The following EGFLAM variants were observed in gnomAD, a reference collection of about 807,000 sequenced individuals.
The protein encoded by EGFLAM is pikachurin.
In EGFLAM, 79 loss-of-function variants were observed where a neutral mutation model predicts 113.1. The ratio of observed to expected loss-of-function variants is 0.70; its 90% CI spans 0.58 to 0.84. The LOEUF (loss-of-function observed/expected upper bound fraction) is 0.84, where lower values mean the gene tolerates loss of function less well. EGFLAM is among the 40% of genes least tolerant of loss of function. EGFLAM has a pLI of 0.00. For synonymous variants in EGFLAM, 504 were observed against 487.6 expected, an observed-to-expected ratio of 1.03 and a Z score of -0.44; for missense variants, 1,265 against 1,291.6, an observed-to-expected ratio of 0.98 and a Z score of 0.32.
At chr5:38,331,182 A>G (rs181671281) in intron 1 of EGFLAM, among the ~76,000 whole-genome samples, 1 of 152,320 alleles carries the variant, frequency 6.6e-6, no homozygotes, top group Admixed American at 6.5e-5. Flanking sequence ...ATGCATGCAT[A>G]GACTCCCCCG....
intron 5 of EGFLAM, among the ~76,000 whole-genome samples, chr5:38,357,211 A>T (rs1359273528): frequency 2.6e-5 from 4 of 152,280 alleles, no homozygotes; most frequent in African/African-American, 9.6e-5. Context: ...AGCCATGATC[A>T]TGTCACTACA....
rs199827426 is a variant in EGFLAM at position 38,458,407 on chromosome 5, C to T, written c.2771+13C>T. The T allele has an allele frequency of 4.7e-5, 76 of 1,613,022 alleles. No individual in the cohort carries two copies. Among genetic ancestry groups the T allele is most frequent in the East Asian group, 2.2e-4 (10 of 44,852 alleles). On this transcript the variant is annotated intron_variant, in intron 20 of 21. Coordinates refer to ENST00000322350, the MANE Select transcript of EGFLAM (RefSeq NM_152403.4). ...TTAAGGCCGTTAGGTGAGTCCCTCC[C>T]GCAGCATGAGGCAGAGCCAGAGCTG...
intron 18 of EGFLAM, among the ~76,000 whole-genome samples, chr5:38,450,151 A>G (rs1178502391): frequency 1.3e-5 from 2 of 152,192 alleles, no homozygotes; most frequent in Non-Finnish European, 2.9e-5. Flanking sequence ...CCCTAAACCA[A>G]TCACTGGCAA....
At chr5:38,318,054 A>G (rs912647917) in intron 1 of EGFLAM, among the ~76,000 whole-genome samples, 2 of 152,082 alleles carry the variant, frequency 1.3e-5, no homozygotes, top group African/African-American at 2.4e-5. Flanking sequence ...GGAAGATACC[A>G]GGTTTCTGTT....
chr5:38,284,992 C>A (rs1244170988), intron 1 of EGFLAM, among the ~76,000 whole-genome samples: 18 of 152,168 alleles, frequency 1.2e-4, no homozygotes, highest in Admixed American at 1.2e-3. Context: ...AAACAAGACT[C>A]AATTGTTATC....
At chr5:38,410,034 C>G (rs1022323089) in intron 10 of EGFLAM, among the ~76,000 whole-genome samples, 2 of 152,170 alleles carry the variant, frequency 1.3e-5, no homozygotes, top group African/African-American at 4.8e-5. Flanking sequence ...GCATGTGGCG[C>G]AACCTCTCCA....
intron 5 of EGFLAM, among the ~76,000 whole-genome samples, chr5:38,354,523 G>A (rs1301901979): frequency 6.6e-6 from 1 of 152,208 alleles, no homozygotes; most frequent in African/African-American, 2.4e-5. Flanking sequence ...GAGGTCAGGA[G>A]TTCGAGACCA....
intron 5 of EGFLAM, among the ~76,000 whole-genome samples, chr5:38,353,915 T>C (rs1739694342): frequency 6.6e-6 from 1 of 152,180 alleles, no homozygotes; most frequent in South Asian, 2.1e-4. Context: ...AATCTCAATA[T>C]TTATTCTCAT....
At chr5:38,438,696 C>T (rs1742439095) in intron 17 of EGFLAM, among the ~76,000 whole-genome samples, 1 of 152,158 alleles carries the variant, frequency 6.6e-6, no homozygotes, top group Non-Finnish European at 1.5e-5. Flanking sequence ...CACCCTCTGC[C>T]CTGGCTCCTT....
intron 6 of EGFLAM, among the ~76,000 whole-genome samples, chr5:38,371,576 T>C (rs1740212434): frequency 6.6e-6 from 1 of 151,772 alleles, no homozygotes; most frequent in South Asian, 2.1e-4. Flanking sequence ...ATTGTTGGGT[T>C]ATATAGGGAG....
At chr5:38,274,916 A>T (rs13161170) in intron 1 of EGFLAM, among the ~76,000 whole-genome samples, 62,857 of 152,026 alleles carry the variant, frequency 0.41, 13,540 homozygotes, top group Middle Eastern at 0.56. Flanking sequence ...TATGAAACAT[A>T]AAAATGTAAA....
chr5:38,447,787 AT>A (rs1316286627), intron 17 of EGFLAM, among the ~76,000 whole-genome samples: 1 of 152,100 alleles, frequency 6.6e-6, no homozygotes, highest in Non-Finnish European at 1.5e-5. Flanking sequence ...ATCTTGTGAA[AT>A]ACACTGGAAA....
chr5:38,421,309 G>A (rs545226908), intron 12 of EGFLAM, among the ~76,000 whole-genome samples: 1 of 152,164 alleles, frequency 6.6e-6, no homozygotes, highest in African/African-American at 2.4e-5. Flanking sequence ...AGCAAATTTT[G>A]CATTCTCTGG....
At chr5:38,342,023 G>C (rs923943177) in intron 3 of EGFLAM, among the ~76,000 whole-genome samples, 1 of 151,630 alleles carries the variant, frequency 6.6e-6, no homozygotes. Flanking sequence ...TTAAACCCCT[G>C]TCCCAATCCA....
intron 1 of EGFLAM, among the ~76,000 whole-genome samples, chr5:38,267,626 G>A (rs1260707404): frequency 6.6e-6 from 1 of 152,144 alleles, no homozygotes; most frequent in African/African-American, 2.4e-5. Context: ...CCCTGGGGGA[G>A]CTTAGTTAAC....
At chr5:38,451,991 CA>C (rs531712895) in intron 19 of EGFLAM, among the ~76,000 whole-genome samples, 1,998 of 38,680 alleles carry the variant, frequency 0.052, 26 homozygotes, top group African/African-American at 0.11. Context: ...GACTCCATCT[CA>C]AAAAAAAAAA....
chr5:38,377,843 T>C (rs903498868), intron 6 of EGFLAM, among the ~76,000 whole-genome samples: 6 of 152,228 alleles, frequency 3.9e-5, no homozygotes, highest in East Asian at 1.9e-4. Context: ...AGTTTGCTGA[T>C]AGCGGGTTGG....
intron 20 of EGFLAM, among the ~76,000 whole-genome samples, chr5:38,460,195 C>T (rs1743225328): frequency 6.6e-6 from 1 of 152,234 alleles, no homozygotes; most frequent in Admixed American, 6.5e-5. Flanking sequence ...CAGGGAACAA[C>T]ACCCTTCTCC....
chr5:38,410,284 G>A (rs1011526648), intron 10 of EGFLAM, among the ~76,000 whole-genome samples: 1 of 152,220 alleles, frequency 6.6e-6, no homozygotes, highest in Non-Finnish European at 1.5e-5. Context: ...GAAGTTTGGT[G>A]TTAGCCACCA....
Sources: allele counts gnomAD v4.1 joint callset (sites outside exome capture counted in the v4.1 genomes callset), GRCh38; gene constraint gnomAD v4.1.1; transcripts MANE v1.5; gene names NCBI Gene and HGNC (gene_info 2026-07-23, HGNC 2026-07-21).